ZNF302: variants seen among roughly 807,000 people sequenced by gnomAD.
The protein encoded by ZNF302 is zinc finger protein 302.
In ZNF302, 12 loss-of-function variants were observed where a neutral mutation model predicts 10.8. The observed-to-expected ratio is 1.11, with a 90% CI of 0.71 to 1.79. The LOEUF is 1.79. Ranked by LOEUF, ZNF302 falls within the 40% of genes most tolerant of loss-of-function variation. ZNF302 has a pLI of 0.00. For synonymous variants in ZNF302, 178 were observed against 157.5 expected (o/e 1.13, Z -0.98); for missense variants, 461 against 471.1 (o/e 0.98, Z 0.20).
At chr19:34,677,607 C>A (rs2068023550), upstream of ZNF302, 1 of 152,300 alleles carries the variant, frequency 6.6e-6, no homozygotes, top group Non-Finnish European at 1.5e-5. Context: ...CGGCGGTTCG[C>A]GGCTTCCGGG....
upstream of ZNF302, chr19:34,676,261 C>T (rs1446304473): frequency 6.6e-6 from 1 of 152,158 alleles, no homozygotes; most frequent in Non-Finnish European, 1.5e-5. Context: ...CTCCAAGGCC[C>T]CACCTGATCC....
At chr19:34,680,935 C>T (rs1402421045) in intron 2 of ZNF302, among the ~76,000 whole-genome samples, 2 of 152,152 alleles carry the variant, frequency 1.3e-5, no homozygotes, top group African/African-American at 2.4e-5. Context: ...AATAGTGGAT[C>T]GCTTGTGAAG....
intron 2 of ZNF302, among the ~76,000 whole-genome samples, chr19:34,680,999 T>C (rs1364797996): frequency 1.3e-5 from 2 of 152,236 alleles, no homozygotes; most frequent in Non-Finnish European, 2.9e-5. Flanking sequence ...TCTTTTTTTT[T>C]CTACATTTGT....
chr19:34,682,631 T>C (rs2068413303), intron 2 of ZNF302, 146 bp from the exon 3 acceptor site: 1 of 1,208,084 alleles, frequency 8.3e-7, no homozygotes, highest in African/African-American at 1.5e-5. Flanking sequence ...TGTCCTATTA[T>C]TACTTACCTG....
rs1019426520 is a variant in ZNF302, at chr19:34,685,604, C to T, written c.*367C>T. The T allele has an allele frequency of 1.4e-5, 17 of 1,198,088 alleles. No homozygotes were observed. In the African/African-American group the frequency reaches 2.3e-4, roughly 16 times the overall value. 74.2% of individuals were successfully genotyped at this position (1,198,088 alleles called of 1,614,324 possible). On this transcript the variant is annotated 3_prime_UTR_variant, in exon 5 of 5. Coordinates refer to ENST00000505242, the MANE Select transcript of ZNF302 (RefSeq NM_001289187.2). ...GGAAAAGCCTTTAGATCATATGAAT[C>T]CCTATACATGTGAGAAATCTTACAG...
rs780618462 is a variant in ZNF302 at position 34,678,780 on chromosome 19, G to T, written c.-25G>T. 13 of 1,613,742 alleles carry T rather than the reference G, an allele frequency of 8.1e-6. No homozygotes were observed. The highest frequency in any genetic ancestry group is 5.0e-5 in the Admixed American group (3 of 60,002). ...GATAAGAACCTGGAAAGGGGACTCT[G>T]TTGGCCATTGGAAATTGCAGAATAA... is the stretch of plus-strand genomic sequence containing the variant. On this transcript the variant is annotated 5_prime_UTR_variant, in exon 2 of 5. Transcript: ENST00000505242.
chr19:34,679,166 T>C (rs2068196559), intron 2 of ZNF302, among the ~76,000 whole-genome samples: 1 of 152,232 alleles, frequency 6.6e-6, no homozygotes, highest in Non-Finnish European at 1.5e-5. Flanking sequence ...TGATTCTTCC[T>C]TTTGACTTAT....
chr19:34,682,358 ATCTT>A (rs750444981), intron 2 of ZNF302: 15 of 155,824 alleles, frequency 9.6e-5, no homozygotes, highest in Non-Finnish European at 1.6e-4. Flanking sequence ...GATTTAGTGA[ATCTT>A]TCTGAGTATC....
chr19:34,683,881 C>A, intron 4 of ZNF302: 1 of 952,056 alleles, frequency 1.1e-6, no homozygotes, highest in Non-Finnish European at 1.4e-6. Context: ...AAAATGCAAC[C>A]TTTCCCACAT....
In ZNF302 at chr19:34,685,135, G is replaced by GA. The variant is rs1340584186; in HGVS notation, c.1104dup (p.Tyr369IlefsTer2). 1.9e-6 allele frequency: 3 copies of GA among 1,610,430 alleles called. No homozygotes were observed. On this transcript the variant is annotated frameshift_variant, in exon 5 of 5. Transcript: ENST00000505242. LOFTEE classifies it low-confidence loss of function (END_TRUNC). ...AACATCAAAGAATTCACAGTATGAA[G>GA]AAAAAATATGAATGCAACAAATGTC...
Position 34,683,204 on chromosome 19 carries a change from A to G in ZNF302, c.180A>G (p.Lys60=). Residue 60 remains lysine, a synonymous_variant, in exon 4 of 5, where the codon AAA becomes AAG. Transcript: ENST00000505242. ...PYVIMLLEDG[K]EPWMMEKKLS... is the part of the protein sequence containing the mutation. Reference sequence around the variant, plus strand: ...TGATCATGTTATTGGAGGATGGAAAAGAGCCCTGGATGATGGAGAAAAAAC... The same window carrying G: ...TGATCATGTTATTGGAGGATGGAAAGGAGCCCTGGATGATGGAGAAAAAAC... The G allele has an allele frequency of 1.9e-6, 3 of 1,614,114 alleles. No homozygotes were observed. Among genetic ancestry groups the G allele is most frequent in the Non-Finnish European group, 2.5e-6 (3 of 1,179,958 alleles).
Position 34,682,912 on chromosome 19 carries a change from C to T in ZNF302, c.130+15C>T. 3.1e-6 allele frequency: 5 copies of T among 1,612,216 alleles called. No homozygotes were observed. Among genetic ancestry groups the T allele is most frequent in the Non-Finnish European group, 4.2e-6 (5 of 1,179,296 alleles). On this transcript the variant is annotated intron_variant, in intron 3 of 4. Transcript: ENST00000505242. ...GGTCTCTGTAGGTAAGGATATCACC[C>T]CTTCCACTCCAATAGGGGACACCTT...
upstream of ZNF302, chr19:34,676,651 T>A (rs1433853778): frequency 6.6e-6 from 1 of 152,224 alleles, no homozygotes; most frequent in African/African-American, 2.4e-5. Context: ...AAGAACTCTC[T>A]CTTGGGGTCG....
Position 34,684,922 on chromosome 19 carries a change from T to G in ZNF302, c.885T>G (p.Ser295Arg), listed in dbSNP as rs780166844. 3 of 1,613,956 alleles carry G rather than the reference T, an allele frequency of 1.9e-6. No homozygotes were observed. The highest frequency in any genetic ancestry group is 2.5e-6 in the Non-Finnish European group (3 of 1,179,900). ...YECMNCGKSFSRVSLLIQHLR... is the reference protein window; with the variant it reads ...YECMNCGKSFRRVSLLIQHLR... Reference sequence around the variant, plus strand: ...GTATGAACTGTGGAAAGTCTTTTAGTCGTGTGTCCCTTCTCATTCAGCATC... The same window carrying G: ...GTATGAACTGTGGAAAGTCTTTTAGGCGTGTGTCCCTTCTCATTCAGCATC... Residue 295 changes from serine (S) to arginine (R), a missense_variant, in exon 5 of 5, where the codon AGT becomes AGG. Transcript: ENST00000505242.
In ZNF302 at chr19:34,684,018, G is replaced by A. The variant is rs763634317; in HGVS notation, c.215-234G>A. ...TTACCCATTTCCTTTATCACACTCT[G>A]TTCCTGCTTCTGTGAACTTTGGATT... On this transcript the variant is annotated intron_variant, in intron 4 of 4. Coordinates refer to ENST00000505242, the MANE Select transcript of ZNF302 (RefSeq NM_001289187.2). The A allele has an allele frequency of 4.0e-6, 6 of 1,499,214 alleles. No individual in the cohort carries two copies. In the African/African-American group the frequency reaches 7.0e-5, roughly 17 times the overall value. The allele number at this position is 1,499,214 out of a possible 1,614,324, so 92.9% of individuals were successfully genotyped here. A position where few individuals can be genotyped will look rare whatever the true frequency, so the allele number is the denominator to read the frequency against.
intron 2 of ZNF302, chr19:34,682,553 C>T: frequency 2.2e-6 from 1 of 456,212 alleles, no homozygotes; most frequent in South Asian, 4.2e-5. Context: ...ATTTGTCTCT[C>T]ATTCTTATTG....
chr19:34,683,057 A>G, intron 3 of ZNF302, 98 bp from the exon 4 acceptor site: 1 of 1,578,912 alleles, frequency 6.3e-7, no homozygotes, highest in South Asian at 1.1e-5. Context: ...TTTCCATTTC[A>G]GTGAACACCC....
At chr19:34,681,332 G>C (rs1600096814) in intron 2 of ZNF302, 1 of 152,206 alleles carries the variant, frequency 6.6e-6, no homozygotes, top group East Asian at 1.9e-4. Flanking sequence ...AAATAATACT[G>C]TGAAATGAGT....
In ZNF302 at chr19:34,685,312, C is replaced by T. The variant is rs377247012; in HGVS notation, c.*75C>T. 36 of 1,613,828 alleles carry T rather than the reference C, an allele frequency of 2.2e-5. No homozygotes were observed. The highest frequency in any genetic ancestry group is 3.3e-4 in the Middle Eastern group (2 of 6,054). The stretch of plus-strand genomic sequence containing the variant: ...GAAATCACATTAGATTGAAACCCTA[C>T]GAATGCAGTATATGTGGGAAAGCCT... On this transcript the variant is annotated 3_prime_UTR_variant, in exon 5 of 5. Coordinates refer to ENST00000505242, the MANE Select transcript of ZNF302 (RefSeq NM_001289187.2).
Sources: gnomAD v4.1 joint callset for allele counts (sites outside exome capture counted in the v4.1 genomes callset) on GRCh38, gnomAD v4.1.1 for gene constraint, MANE v1.5 for transcripts, NCBI Gene and HGNC (gene_info 2026-07-23, HGNC 2026-07-21) for gene names.